The following UBL3 variants were observed in gnomAD, a reference collection of about 807,000 sequenced individuals.
UBL3 encodes the protein ubiquitin-like protein 3.
Under a neutral mutation model 18.4 loss-of-function variants are expected in UBL3, and 6 were observed. That is an observed-to-expected ratio of 0.33 (90% CI 0.18 to 0.64). The LOEUF is 0.64. UBL3 is among the 30% of genes least tolerant of loss of function. UBL3 has a pLI of 0.76. For missense variants in UBL3, 109 were observed against 142.9 expected (o/e 0.76, Z 1.21); for synonymous variants, 49 against 46.6 (o/e 1.05, Z -0.21).
intron 1 of UBL3, among the ~76,000 whole-genome samples, chr13:29,795,608 A>G (rs1406221871): frequency 6.6e-6 from 1 of 151,920 alleles, no homozygotes; most frequent in Non-Finnish European, 1.5e-5. Context: ...GTGTTTATAT[A>G]TTGACTTATT....
At position 29,804,156 on chromosome 13, in the gene UBL3, C is replaced by G. The variant is rs373371442; in HGVS notation, c.28-26893G>C. ...AGCTCATTAAAAATAGAACTTAATA[C>G]TAAGAAAATCACTCAAAACCATACA... On this transcript the variant is annotated intron_variant, in intron 1 of 4. Coordinates refer to ENST00000380680, the MANE Select transcript of UBL3 (RefSeq NM_007106.4). Among the ~76,000 whole-genome samples the G allele has an allele frequency of 3.3e-5, 5 of 150,438 alleles. No homozygotes were observed. In the South Asian group the frequency reaches 6.3e-4, roughly 19 times the overall value.
At chr13:29,794,367 C>T (rs951646701) in intron 1 of UBL3, among the ~76,000 whole-genome samples, 2 of 151,812 alleles carry the variant, frequency 1.3e-5, no homozygotes, top group African/African-American at 4.8e-5. Flanking sequence ...CACACACACA[C>T]ACACGCACCC....
Position 29,776,257 on chromosome 13 carries a change from CTTTCTT to C in UBL3, c.136+892_136+897del, listed in dbSNP as rs1423983257. On this transcript the variant is annotated intron_variant, in intron 2 of 4. Transcript: ENST00000380680. The stretch of plus-strand genomic sequence containing the variant: ...TGTTTTTTTTTCTTTTTTTTCTTTT[CTTTCTT>C]TTTTTTTTTTTTTTTTTGAGACAGG... Among the ~76,000 whole-genome samples the C allele has an allele frequency of 2.2e-4, 21 of 97,204 alleles. No individual in the cohort carries two copies. In the East Asian group the frequency reaches 4.6e-3, roughly 21 times the overall value. The allele number at this position is 97,204 out of a possible 152,430, so 63.8% of individuals were successfully genotyped here. A position where few individuals can be genotyped will look rare whatever the true frequency, so the allele number is the denominator to read the frequency against.
rs185126642 is a variant in UBL3 at position 29,794,818 on chromosome 13, T to C, written c.28-17555A>G. On this transcript the variant is annotated intron_variant, in intron 1 of 4. Coordinates refer to ENST00000380680, the MANE Select transcript of UBL3 (RefSeq NM_007106.4). Reference sequence around the variant, plus strand: ...TATCAATGCTTAAATATTCAAGACCTGCAAAAGCAACAGAAATTAGCAGGT... The same window carrying C: ...TATCAATGCTTAAATATTCAAGACCCGCAAAAGCAACAGAAATTAGCAGGT... Among the ~76,000 whole-genome samples, 310 of 152,314 alleles carry C rather than the reference T, an allele frequency of 2.0e-3. 1 individual carries two copies. The highest frequency in any genetic ancestry group is 3.1e-3 in the Non-Finnish European group (213 of 68,020).
chr13:29,822,178 C>T (rs1273987262), intron 1 of UBL3, among the ~76,000 whole-genome samples: 2 of 152,144 alleles, frequency 1.3e-5, no homozygotes, highest in African/African-American at 4.8e-5. Context: ...TTTGTAATCA[C>T]ACATTTAGAG....
intron 3 of UBL3, among the ~76,000 whole-genome samples, chr13:29,769,543 G>A (rs1259637906): frequency 6.6e-6 from 1 of 151,990 alleles, no homozygotes; most frequent in Non-Finnish European, 1.5e-5. Context: ...AGGAGATGGG[G>A]GTTGGGGAGA....
At chr13:29,818,079 T>C (rs1241221384) in intron 1 of UBL3, among the ~76,000 whole-genome samples, 1 of 152,176 alleles carries the variant, frequency 6.6e-6, no homozygotes, top group Non-Finnish European at 1.5e-5. Flanking sequence ...TATATGCAAA[T>C]GTTCTGTCCT....
intron 1 of UBL3, among the ~76,000 whole-genome samples, chr13:29,839,126 A>C (rs1879030866): frequency 6.6e-6 from 1 of 152,212 alleles, no homozygotes; most frequent in Non-Finnish European, 1.5e-5. Flanking sequence ...AAGTTTCTCA[A>C]TTGAGTGATT....
At chr13:29,780,774 C>G (rs1314398509) in intron 1 of UBL3, among the ~76,000 whole-genome samples, 1 of 152,126 alleles carries the variant, frequency 6.6e-6, no homozygotes, top group East Asian at 1.9e-4. Context: ...TCCTGTCATT[C>G]CATATAAAGA....
chr13:29,796,710 C>A (rs1877623322), intron 1 of UBL3, among the ~76,000 whole-genome samples: 1 of 152,166 alleles, frequency 6.6e-6, no homozygotes, highest in Non-Finnish European at 1.5e-5. Flanking sequence ...AATACTATCT[C>A]CAACCCACTA....
chr13:29,777,495 T>A (rs1417645803), intron 1 of UBL3: 2 of 628,006 alleles, frequency 3.2e-6, no homozygotes, highest in African/African-American at 3.6e-5. Context: ...CCATAATAAA[T>A]GAACAAAGGA....
At chr13:29,820,726 A>T (rs1414532880) in intron 1 of UBL3, among the ~76,000 whole-genome samples, 2 of 152,256 alleles carry the variant, frequency 1.3e-5, no homozygotes, top group Non-Finnish European at 2.9e-5. Flanking sequence ...TGACCATGAG[A>T]AAAACAGTAA....
intron 1 of UBL3, among the ~76,000 whole-genome samples, chr13:29,835,103 TATAA>T (rs1566000941): frequency 3.1e-4 from 8 of 25,762 alleles, no homozygotes; most frequent in African/African-American, 2.6e-3. Flanking sequence ...TATATATATA[TATAA>T]ATATATATAT....
At chr13:29,835,163 T>TATATATATATAA (rs1878925528) in intron 1 of UBL3, among the ~76,000 whole-genome samples, 2 of 54,800 alleles carry the variant, frequency 3.6e-5, no homozygotes, top group Non-Finnish European at 6.4e-5. Flanking sequence ...TATATATATA[T>TATATATATATAA]ATATATATAT....
intron 1 of UBL3, among the ~76,000 whole-genome samples, chr13:29,818,573 A>C (rs1878344816): frequency 6.6e-6 from 1 of 152,206 alleles, no homozygotes; most frequent in Admixed American, 6.5e-5. Context: ...ATGTTAAGGA[A>C]GTTTTTCCAG....
At chr13:29,788,474 G>C (rs181748607) in intron 1 of UBL3, among the ~76,000 whole-genome samples, 27 of 152,188 alleles carry the variant, frequency 1.8e-4, no homozygotes, top group African/African-American at 6.0e-4. Flanking sequence ...CTAGAACCTG[G>C]GTTTTCTTCT....
Position 29,850,183 on chromosome 13 carries a change from T to C in UBL3, c.-645A>G, listed in dbSNP as rs1368434919. 6.6e-6 allele frequency: 1 copy of C among 152,484 alleles called. No individual in the cohort carries two copies. Among genetic ancestry groups the C allele is most frequent in the Non-Finnish European group, 1.5e-5 (1 of 68,286 alleles). The allele number at this position is 152,484 out of a possible 1,614,324, so 9.4% of individuals were successfully genotyped here. On this transcript the variant is annotated 5_prime_UTR_variant, in exon 1 of 5. Transcript: ENST00000380680. ...CCGCGCTCAAGGGCATTTAACTAGT[T>C]GGAAGCCAAAGCGAAAGACCGGAGC... is the stretch of plus-strand genomic sequence containing the variant.
chr13:29,800,265 A>G (rs766181894), intron 1 of UBL3, among the ~76,000 whole-genome samples: 3 of 152,218 alleles, frequency 2.0e-5, no homozygotes, highest in Non-Finnish European at 4.4e-5. Context: ...ATGACGAGAC[A>G]GCAACAAAGT....
intron 1 of UBL3, among the ~76,000 whole-genome samples, chr13:29,818,901 C>T (rs541546939): frequency 2.0e-5 from 3 of 152,294 alleles, no homozygotes; most frequent in African/African-American, 7.2e-5. Flanking sequence ...AGCATCTTTA[C>T]ATGCTTTATA....
Sources: allele counts gnomAD v4.1 joint callset (sites outside exome capture counted in the v4.1 genomes callset), GRCh38; gene constraint gnomAD v4.1.1; transcripts MANE v1.5; gene names NCBI Gene and HGNC (gene_info 2026-07-23, HGNC 2026-07-21).